PAFAH1B1: variants seen among roughly 807,000 people sequenced by gnomAD.
PAFAH1B1 encodes the protein platelet activating factor acetylhydrolase 1b regulatory subunit 1, also known as platelet-activating factor acetylhydrolase IB subunit beta.
Under a neutral mutation model 57.5 loss-of-function variants are expected in PAFAH1B1, and 2 were observed. The ratio of observed to expected loss-of-function variants is 0.03; its 90% CI spans 0.01 to 0.11. The LOEUF is 0.11. Ranked by LOEUF, PAFAH1B1 falls within the 10% of genes least tolerant of loss-of-function variation. The pLI, the probability that PAFAH1B1 is intolerant of heterozygous loss-of-function variation, is 1.00. For synonymous variants in PAFAH1B1, 152 were observed against 169.6 expected, an observed-to-expected ratio of 0.90 and a Z score of 0.81; for missense variants, 257 against 512.0, an observed-to-expected ratio of 0.50 and a Z score of 4.81.
At chr17:2,663,640 G>T (rs1009043054) in intron 2 of PAFAH1B1, among the ~76,000 whole-genome samples, 3 of 151,754 alleles carry the variant, frequency 2.0e-5, no homozygotes, top group African/African-American at 7.3e-5. Flanking sequence ...AACTGGATCA[G>T]ATTGTTGGCT....
chr17:2,675,008 TTTTG>T (rs1372441787), intron 8 of PAFAH1B1, among the ~76,000 whole-genome samples: 1 of 152,140 alleles, frequency 6.6e-6, no homozygotes, highest in African/African-American at 2.4e-5. Flanking sequence ...GGTCTAAAAC[TTTTG>T]TTTGTTTTTG....
chr17:2,624,228 C>G (rs973168933), intron 1 of PAFAH1B1, among the ~76,000 whole-genome samples: 4 of 152,170 alleles, frequency 2.6e-5, no homozygotes, highest in African/African-American at 9.7e-5. Flanking sequence ...AGTCATTCAA[C>G]AAGTCTCTAG....
At chr17:2,635,966 A>G (rs1228034548) in intron 1 of PAFAH1B1, among the ~76,000 whole-genome samples, 1 of 151,636 alleles carries the variant, frequency 6.6e-6, no homozygotes, top group Non-Finnish European at 1.5e-5. Flanking sequence ...AAAAAAAAAA[A>G]AAAAAAATTA....
intron 5 of PAFAH1B1, chr17:2,667,560 A>C (rs2151661433): frequency 3.5e-6 from 1 of 289,478 alleles, no homozygotes; most frequent in East Asian, 8.8e-5. Flanking sequence ...ATGTCAGTAC[A>C]TCACCTTGTG....
intron 1 of PAFAH1B1, among the ~76,000 whole-genome samples, chr17:2,617,394 G>A (rs1012915742): frequency 6.6e-5 from 10 of 152,284 alleles, no homozygotes; most frequent in African/African-American, 2.4e-4. Flanking sequence ...ATGAAGTATA[G>A]TGGTTAGCTG....
intron 1 of PAFAH1B1, among the ~76,000 whole-genome samples, chr17:2,615,407 A>G (rs966526728): frequency 5.3e-5 from 8 of 152,214 alleles, no homozygotes; most frequent in Non-Finnish European, 1.0e-4. Context: ...GGTGTTCAAA[A>G]TGGCTTCATT....
chr17:2,633,107 T>C (rs1255912039), intron 1 of PAFAH1B1, among the ~76,000 whole-genome samples: 4 of 152,112 alleles, frequency 2.6e-5, no homozygotes, highest in Non-Finnish European at 5.9e-5. Context: ...AATTCTTTCT[T>C]CATTTCTCCT....
chr17:2,671,685 C>T (rs2069186181), intron 6 of PAFAH1B1, among the ~76,000 whole-genome samples: 2 of 150,290 alleles, frequency 1.3e-5, no homozygotes, highest in Non-Finnish European at 2.9e-5. Flanking sequence ...TCACTGCAAC[C>T]TCCACCTCCC....
rs1478248295 is a variant in PAFAH1B1 at position 2,684,563 on chromosome 17, T to C, written c.*2761T>C. 2.0e-5 allele frequency: 3 copies of C among 152,644 alleles called. No individual in the cohort carries two copies. Among genetic ancestry groups the C allele is most frequent in the Admixed American group, 6.5e-5 (1 of 15,282 alleles). The allele number at this position is 152,644 out of a possible 1,614,324, so 9.5% of individuals were successfully genotyped here. A position where few individuals can be genotyped will look rare whatever the true frequency, so the allele number is the denominator to read the frequency against. On this transcript the variant is annotated 3_prime_UTR_variant, in exon 11 of 11. Coordinates refer to ENST00000397195, the MANE Select transcript of PAFAH1B1 (RefSeq NM_000430.4). ...CAGACATTCCAGTGCCACCCAAATA[T>C]ATATCTGTAACGTGCCCAAGAAATC... is the stretch of plus-strand genomic sequence containing the variant.
At chr17:2,679,319 G>A (rs1049879597) in intron 9 of PAFAH1B1, among the ~76,000 whole-genome samples, 2 of 152,126 alleles carry the variant, frequency 1.3e-5, no homozygotes, top group Non-Finnish European at 2.9e-5. Flanking sequence ...GCTGCGACAG[G>A]GGAAATATGG....
rs554030835 is a variant in PAFAH1B1 at position 2,615,505 on chromosome 17, A to G, written c.-191+21499A>G. On this transcript the variant is annotated intron_variant, in intron 1 of 10. Transcript: ENST00000397195. The stretch of plus-strand genomic sequence containing the variant: ...GCCCAGCCTGGAGTGCAGTGGCACA[A>G]TCTTGGCTCACTGCAACCTCTGCCG... Among the ~76,000 whole-genome samples, 4 of 152,284 alleles carry G rather than the reference A, an allele frequency of 2.6e-5. No individual in the cohort carries two copies. In the South Asian group the frequency reaches 6.2e-4, roughly 24 times the overall value.
intron 2 of PAFAH1B1, among the ~76,000 whole-genome samples, chr17:2,645,850 C>T (rs1280781707): frequency 3.3e-5 from 5 of 150,888 alleles, no homozygotes; most frequent in South Asian, 2.1e-4. Context: ...GTGATCCACC[C>T]GCCTGGACCT....
At chr17:2,651,347 C>T (rs1292280293) in intron 2 of PAFAH1B1, among the ~76,000 whole-genome samples, 2 of 147,424 alleles carry the variant, frequency 1.4e-5, no homozygotes, top group East Asian at 2.0e-4. Flanking sequence ...GAGACTGAGG[C>T]AGGCGGAACA....
chr17:2,678,118 G>A (rs936714676), intron 9 of PAFAH1B1, among the ~76,000 whole-genome samples: 1 of 150,660 alleles, frequency 6.6e-6, no homozygotes, highest in African/African-American at 2.4e-5. Context: ...TTAGCCGGGC[G>A]TGGCCAGGCG....
intron 7 of PAFAH1B1, 118 bp downstream of exon 7, chr17:2,672,875 C>G (rs2069202788): frequency 1.4e-6 from 1 of 714,158 alleles, no homozygotes; most frequent in African/African-American, 1.8e-5. Context: ...GAAGACCAGC[C>G]TGGCCAACAT....
At chr17:2,616,998 G>A (rs553754205) in intron 1 of PAFAH1B1, among the ~76,000 whole-genome samples, 6 of 152,086 alleles carry the variant, frequency 3.9e-5, no homozygotes, top group African/African-American at 7.2e-5. Flanking sequence ...GTGTGAACCC[G>A]GGAGGCAGAG....
chr17:2,661,484 T>G (rs1016431323), intron 2 of PAFAH1B1, among the ~76,000 whole-genome samples: 4 of 152,180 alleles, frequency 2.6e-5, no homozygotes, highest in Non-Finnish European at 4.4e-5. Flanking sequence ...ATATGTGGTG[T>G]TATTTCTGAG....
At chr17:2,606,205 A>G (rs1431675306) in intron 1 of PAFAH1B1, among the ~76,000 whole-genome samples, 1 of 152,104 alleles carries the variant, frequency 6.6e-6, no homozygotes, top group Non-Finnish European at 1.5e-5. Context: ...TGATATATGA[A>G]TCTTAACTAT....
chr17:2,626,329 G>T (rs1332400818), intron 1 of PAFAH1B1, among the ~76,000 whole-genome samples: 1 of 152,090 alleles, frequency 6.6e-6, no homozygotes, highest in Non-Finnish European at 1.5e-5. Flanking sequence ...AACTGGAAAG[G>T]TAAAATTGTA....
Sources: gnomAD v4.1 joint callset for allele counts (sites outside exome capture counted in the v4.1 genomes callset) on GRCh38, gnomAD v4.1.1 for gene constraint, MANE v1.5 for transcripts, NCBI Gene and HGNC (gene_info 2026-07-23, HGNC 2026-07-21) for gene names.